The following CDH18 variants were observed in gnomAD, a reference collection of about 807,000 sequenced individuals.
CDH18 encodes the protein cadherin 18.
Under a neutral mutation model 67.9 loss-of-function variants are expected in CDH18, and 31 were observed. That is an observed-to-expected ratio of 0.46 (90% CI 0.34 to 0.62). CDH18 has a LOEUF of 0.62. Ranked by LOEUF, CDH18 falls within the 20% of genes least tolerant of loss-of-function variation. The pLI is 0.01. For synonymous variants in CDH18, 362 were observed against 347.2 expected, an observed-to-expected ratio of 1.04 and a Z score of -0.48; for missense variants, 890 against 975.5, an observed-to-expected ratio of 0.91 and a Z score of 1.17.
At chr5:20,407,570 G>T (rs1192120868) in intron 1 of CDH18, among the ~76,000 whole-genome samples, 3 of 147,716 alleles carry the variant, frequency 2.0e-5, no homozygotes, top group Non-Finnish European at 4.5e-5. Flanking sequence ...TAATAAAAAG[G>T]ACCAAACCGA....
At chr5:19,752,769 G>C (rs1771024881) in intron 3 of CDH18, among the ~76,000 whole-genome samples, 1 of 152,152 alleles carries the variant, frequency 6.6e-6, no homozygotes, top group Non-Finnish European at 1.5e-5. Flanking sequence ...AACACTCACA[G>C]TGTCCATTTC....
intron 2 of CDH18, among the ~76,000 whole-genome samples, chr5:19,870,762 G>T (rs1786175247): frequency 6.6e-6 from 1 of 152,066 alleles, no homozygotes; most frequent in African/African-American, 2.4e-5. Flanking sequence ...ATGCTACGTG[G>T]TCCAAGGATT....
intron 5 of CDH18, among the ~76,000 whole-genome samples, chr5:19,613,150 A>T (rs1304347615): frequency 1.3e-5 from 2 of 151,996 alleles, no homozygotes; most frequent in African/African-American, 4.8e-5. Context: ...AACTAAAAAA[A>T]TAATAATAAT....
At chr5:20,256,979 T>TCTA (rs1199242556) in intron 1 of CDH18, among the ~76,000 whole-genome samples, 2 of 79,644 alleles carry the variant, frequency 2.5e-5, no homozygotes, top group Non-Finnish European at 3.7e-5. Flanking sequence ...TCTATATCTA[T>TCTA]ATCTATATCT....
intron 1 of CDH18, among the ~76,000 whole-genome samples, chr5:20,365,392 C>T (rs1742427552): frequency 6.6e-6 from 1 of 152,144 alleles, no homozygotes; most frequent in Non-Finnish European, 1.5e-5. Context: ...AGGTAGGGGA[C>T]ACAAATATTC....
intron 1 of CDH18, among the ~76,000 whole-genome samples, chr5:20,266,595 T>TTTTTTTTTTTTTTTTA (rs1745058075): frequency 7.1e-6 from 1 of 140,502 alleles, no homozygotes; most frequent in Non-Finnish European, 1.5e-5. Context: ...TTTTTTTTTT[T>TTTTTTTTTTTTTTTTA]TTTTTGTATT....
At position 20,125,369 on chromosome 5, in the gene CDH18, C is replaced by T. The variant is rs558488572; in HGVS notation, c.-518+130075G>A. Among the ~76,000 whole-genome samples the T allele has an allele frequency of 4.6e-5, 7 of 151,880 alleles. No homozygotes were observed. In the South Asian group the frequency reaches 8.3e-4, roughly 18 times the overall value. Reference sequence around the variant, plus strand: ...ATGTGTGAAAAAATTTTGAAGTTGACTAGGTGATTTGGTATTTTGTATATT... The same window carrying T: ...ATGTGTGAAAAAATTTTGAAGTTGATTAGGTGATTTGGTATTTTGTATATT... On this transcript the variant is annotated intron_variant, in intron 2 of 14. Transcript: ENST00000507958.
chr5:19,783,507 C>T (rs79004558), intron 3 of CDH18, among the ~76,000 whole-genome samples: 7,088 of 152,146 alleles, frequency 0.047, 347 homozygotes, highest in African/African-American at 0.13. Context: ...ATCTCATAGT[C>T]ACCTGAGCAT....
chr5:19,557,109 C>A (rs996239415), intron 8 of CDH18, among the ~76,000 whole-genome samples: 1 of 152,002 alleles, frequency 6.6e-6, no homozygotes. Context: ...CACTACCAAG[C>A]CAGCACTACA....
intron 3 of CDH18, among the ~76,000 whole-genome samples, chr5:19,809,191 C>T (rs1441765715): frequency 1.3e-5 from 2 of 151,978 alleles, no homozygotes; most frequent in Non-Finnish European, 2.9e-5. Context: ...AATCTAGAAA[C>T]AGTAAGAGAT....
At chr5:19,967,432 T>C (rs569796765) in intron 2 of CDH18, among the ~76,000 whole-genome samples, 1 of 152,240 alleles carries the variant, frequency 6.6e-6, no homozygotes, top group Admixed American at 6.6e-5. Context: ...CACTGTGTTC[T>C]GTTCTAGAAT....
chr5:19,541,823 A>C (rs928360403), intron 9 of CDH18, among the ~76,000 whole-genome samples: 5 of 152,126 alleles, frequency 3.3e-5, no homozygotes, highest in Non-Finnish European at 7.3e-5. Flanking sequence ...GGGTGAGGAC[A>C]ACCAAACCAT....
At chr5:19,757,917 G>A (rs1361336574) in intron 3 of CDH18, among the ~76,000 whole-genome samples, 1 of 152,204 alleles carries the variant, frequency 6.6e-6, no homozygotes, top group Non-Finnish European at 1.5e-5. Context: ...AAAAGGGGCT[G>A]TAGTGGTGCA....
At chr5:20,319,860 C>T (rs556509172) in intron 1 of CDH18, among the ~76,000 whole-genome samples, 2 of 152,270 alleles carry the variant, frequency 1.3e-5, no homozygotes, top group African/African-American at 2.4e-5. Flanking sequence ...TATGCAGCTC[C>T]GTCTCCCACT....
At chr5:20,058,505 A>G (rs1742190021) in intron 2 of CDH18, among the ~76,000 whole-genome samples, 1 of 152,104 alleles carries the variant, frequency 6.6e-6, no homozygotes, top group Non-Finnish European at 1.5e-5. Context: ...GCCTTACTTG[A>G]TATAATTTTG....
chr5:20,344,405 C>T (rs1342800024), intron 1 of CDH18, among the ~76,000 whole-genome samples: 1 of 152,082 alleles, frequency 6.6e-6, no homozygotes, highest in Non-Finnish European at 1.5e-5. Flanking sequence ...TCCAGTATGT[C>T]TTGGTATGGG....
intron 9 of CDH18, among the ~76,000 whole-genome samples, chr5:19,531,431 C>T (rs940958298): frequency 5.9e-5 from 9 of 151,996 alleles, no homozygotes; most frequent in South Asian, 2.1e-4. Flanking sequence ...ATTAGAATGA[C>T]GGGGAAAAAT....
chr5:20,067,268 T>G (rs775474404), intron 2 of CDH18, among the ~76,000 whole-genome samples: 1 of 151,442 alleles, frequency 6.6e-6, no homozygotes, highest in Non-Finnish European at 1.5e-5. Context: ...TTTAGACCAG[T>G]TTTTTAGTTC....
chr5:20,186,832 T>A (rs1029576827), intron 2 of CDH18, among the ~76,000 whole-genome samples: 19 of 151,874 alleles, frequency 1.3e-4, no homozygotes, highest in African/African-American at 4.6e-4. Context: ...CTTAAACAGA[T>A]ATTTGTAAAT....
Sources: allele counts gnomAD v4.1 joint callset (sites outside exome capture counted in the v4.1 genomes callset), GRCh38; gene constraint gnomAD v4.1.1; transcripts MANE v1.5; gene names NCBI Gene and HGNC (gene_info 2026-07-23, HGNC 2026-07-21).